TRPM3: variants seen among roughly 807,000 people sequenced by gnomAD.
TRPM3 encodes transient receptor potential cation channel subfamily M member 3.
Under a neutral mutation model 181.2 loss-of-function variants are expected in TRPM3, and 77 were observed. That is an observed-to-expected ratio of 0.42 (90% confidence interval 0.35 to 0.51). The LOEUF (loss-of-function observed/expected upper bound fraction) is 0.51. Among genes scored for constraint, TRPM3 ranks in the 20% least tolerant of loss-of-function variants. The pLI, the probability that TRPM3 is intolerant of heterozygous loss-of-function variation, is 0.01. For synonymous variants in TRPM3, 745 were observed against 796.4 expected, an observed-to-expected ratio of 0.94 and a Z score of 1.09; for missense variants, 1,759 against 2,196.7, an observed-to-expected ratio of 0.80 and a Z score of 3.98.
chr9:70,793,493 A>AT, intron 6 of TRPM3: 1 of 187,070 alleles, frequency 5.3e-6, no homozygotes, highest in Non-Finnish European at 1.1e-5. Flanking sequence ...TATATATATA[A>AT]AACACATATG....
intron 8 of TRPM3, among the ~76,000 whole-genome samples, chr9:70,759,106 A>G (rs183618656): frequency 6.6e-6 from 1 of 152,344 alleles, no homozygotes; most frequent in Admixed American, 6.5e-5. Context: ...AATATCCAGA[A>G]TCTATACAAA....
At chr9:70,935,801 A>T (rs1253686337) in intron 1 of TRPM3, among the ~76,000 whole-genome samples, 3 of 152,142 alleles carry the variant, frequency 2.0e-5, no homozygotes, top group Non-Finnish European at 4.4e-5. Flanking sequence ...TTTTTCCCCC[A>T]AGCGCAATCC....
chr9:71,406,411 GTGGAGAGTC>G (rs951462218), intron 1 of TRPM3, among the ~76,000 whole-genome samples: 1 of 152,188 alleles, frequency 6.6e-6, no homozygotes, highest in African/African-American at 2.4e-5. Context: ...AAACTTCCAA[GTGGAGAGTC>G]TGGAAGTTAA....
At chr9:70,565,365 C>A (rs543933041) in intron 22 of TRPM3, among the ~76,000 whole-genome samples, 2 of 152,184 alleles carry the variant, frequency 1.3e-5, no homozygotes, top group African/African-American at 4.8e-5. Context: ...GTGATCTCAG[C>A]TCACTGCAAC....
At chr9:71,379,817 G>T (rs992950716) in intron 1 of TRPM3, among the ~76,000 whole-genome samples, 1 of 151,964 alleles carries the variant, frequency 6.6e-6, no homozygotes, top group Non-Finnish European at 1.5e-5. Flanking sequence ...TAGCAGAGAA[G>T]AAGCTCGAAT....
At chr9:70,744,221 G>A (rs1336400867) in intron 8 of TRPM3, among the ~76,000 whole-genome samples, 2 of 151,948 alleles carry the variant, frequency 1.3e-5, no homozygotes, top group Non-Finnish European at 2.9e-5. Context: ...CCAGCTACTT[G>A]GGAGGCTGAG....
intron 1 of TRPM3, among the ~76,000 whole-genome samples, chr9:71,106,180 C>G (rs1276332420): frequency 6.6e-6 from 1 of 152,166 alleles, no homozygotes; most frequent in African/African-American, 2.4e-5. Flanking sequence ...CAGGACACAT[C>G]TGAAAACACA....
intron 1 of TRPM3, among the ~76,000 whole-genome samples, chr9:71,417,071 T>G (rs1472266655): frequency 6.6e-6 from 1 of 152,044 alleles, no homozygotes; most frequent in Non-Finnish European, 1.5e-5. Flanking sequence ...TATCTATTAA[T>G]GGACATTGGG....
chr9:70,587,001 ATT>A (rs375691936), intron 22 of TRPM3, among the ~76,000 whole-genome samples: 1,524 of 147,600 alleles, frequency 0.01, 24 homozygotes, highest in African/African-American at 0.035. Context: ...AGGAGCAAGG[ATT>A]TTTTTTTTTT....
chr9:71,233,697 G>T (rs1482230390), intron 1 of TRPM3, among the ~76,000 whole-genome samples: 1 of 152,174 alleles, frequency 6.6e-6, no homozygotes, highest in East Asian at 1.9e-4. Flanking sequence ...TAAATAAATT[G>T]TAGGTGTTAT....
Position 71,121,512 on chromosome 9 carries a change from A to C in TRPM3, c.-158T>G. ...GCTCATGCATACCAAATGTGGCTGA[A>C]TGGAGGCACACTGCCTGCTGCTTCG... On this transcript the variant is annotated 5_prime_UTR_variant, in exon 1 of 26. Transcript: ENST00000677713. The C allele has an allele frequency of 7.1e-7, 1 of 1,411,120 alleles. No individual in the cohort carries two copies. Among genetic ancestry groups the C allele is most frequent in the East Asian group, 2.6e-5 (1 of 38,982 alleles). 87.4% of individuals were successfully genotyped at this position (1,411,120 alleles called of 1,614,324 possible).
intron 1 of TRPM3, among the ~76,000 whole-genome samples, chr9:70,951,285 T>C (rs2096995966): frequency 6.6e-6 from 1 of 152,210 alleles, no homozygotes. Context: ...TCTAGTACAT[T>C]GCTAGCTCTC....
At chr9:71,180,601 G>C (rs2077346233) in intron 1 of TRPM3, among the ~76,000 whole-genome samples, 1 of 152,144 alleles carries the variant, frequency 6.6e-6, no homozygotes, top group Non-Finnish European at 1.5e-5. Flanking sequence ...GAAGGAGATA[G>C]CATGGATACA....
intron 1 of TRPM3, among the ~76,000 whole-genome samples, chr9:70,903,648 A>G (rs1328148477): frequency 1.3e-5 from 2 of 152,246 alleles, no homozygotes; most frequent in Non-Finnish European, 2.9e-5. Flanking sequence ...AATGTCTAAT[A>G]TGAAACACTA....
chr9:70,543,215 G>T (rs1248841239), intron 25 of TRPM3, among the ~76,000 whole-genome samples: 2 of 152,104 alleles, frequency 1.3e-5, no homozygotes, highest in Non-Finnish European at 2.9e-5. Context: ...AATTAATTTT[G>T]TGGGTACATA....
rs550005152 is a variant in TRPM3 at position 71,347,724 on chromosome 9, A to T, written c.183+98929T>A. Among the ~76,000 whole-genome samples, 5 of 152,284 alleles carry T rather than the reference A, an allele frequency of 3.3e-5. No homozygotes were observed. In the South Asian group the frequency reaches 1.0e-3, roughly 32 times the overall value. On this transcript the variant is annotated intron_variant, in intron 1 of 24. Transcript: ENST00000357533. The stretch of plus-strand genomic sequence containing the variant: ...CAGGTGTTTGAGACCAGCCTGGGCA[A>T]CATAGTGAGGCCTCGTGTTTATTAA...
At chr9:70,881,389 A>G (rs1366502725) in intron 1 of TRPM3, among the ~76,000 whole-genome samples, 2 of 152,110 alleles carry the variant, frequency 1.3e-5, no homozygotes, top group Non-Finnish European at 2.9e-5. Context: ...CACCACCCCC[A>G]TACAAAAACC....
chr9:70,756,462 T>C (rs2077098334), intron 8 of TRPM3, among the ~76,000 whole-genome samples: 1 of 152,098 alleles, frequency 6.6e-6, no homozygotes, highest in Non-Finnish European at 1.5e-5. Context: ...AGGATATTCA[T>C]GACTTGAACT....
chr9:70,964,147 T>C (rs1308926437), intron 1 of TRPM3, among the ~76,000 whole-genome samples: 1 of 152,160 alleles, frequency 6.6e-6, no homozygotes, highest in Non-Finnish European at 1.5e-5. Flanking sequence ...GTCAGCATTA[T>C]TTTTATTCTT....
Sources: allele counts gnomAD v4.1 joint callset (sites outside exome capture counted in the v4.1 genomes callset), GRCh38; gene constraint gnomAD v4.1.1; transcripts MANE v1.5; gene names NCBI Gene and HGNC (gene_info 2026-07-23, HGNC 2026-07-21).